TTN: variants seen among roughly 807,000 people sequenced by gnomAD.
The protein encoded by TTN is connectin.
A neutral mutation model predicts 3,223.0 loss-of-function variants in TTN; 1,525 were observed. The ratio of observed to expected loss-of-function variants is 0.47; its 90% CI spans 0.45 to 0.49. TTN has a LOEUF of 0.49. Among genes scored for constraint, TTN ranks in the 20% least tolerant of loss-of-function variants. TTN has a pLI of 0.00. For missense variants in TTN, 40,786 were observed against 43,424.0 expected (o/e 0.94, Z 5.40); for synonymous variants, 14,094 against 15,161.0 (o/e 0.93, Z 5.17).
Position 178,543,085 on chromosome 2 carries a change from AGTCAC to A in TTN, c.96883_96887del (p.Val32295CysfsTer50). On this transcript the variant is annotated frameshift_variant, in exon 347 of 363. Coordinates refer to ENST00000589042, the MANE Select transcript of TTN (RefSeq NM_001267550.2). LOFTEE classifies it high-confidence loss of function. ...GGTACATACCTCTGAGGTCTTGTAC[AGTCAC>A]GGCTGTGACAGTCTCTCTTGGTTCT... 1 of 1,592,320 alleles carries A rather than the reference AGTCAC, an allele frequency of 6.3e-7. No homozygotes were observed. The highest frequency in any genetic ancestry group is 8.6e-7 in the Non-Finnish European group (1 of 1,166,640).
In TTN at chr2:178,565,822, T is replaced by A; in HGVS notation, c.80310A>T (p.Glu26770Asp). 8 of 1,613,644 alleles carry A rather than the reference T, an allele frequency of 5.0e-6. No homozygotes were observed. Among genetic ancestry groups the A allele is most frequent in the Non-Finnish European group, 6.8e-6 (8 of 1,179,666 alleles). The change falls in exon 326 of 363, where the codon GAA (glutamate) becomes GAT (aspartate). Residue 26770 changes from glutamate (E) to aspartate (D), a missense_variant. By Grantham distance (45) the Glu-to-Asp change is conservative. Transcript: ENST00000589042. ...CAGCAGCTTTCACGGCATCAACAGT[T>A]TCCACTGGAACACCAACTCCAAATT... The part of the protein sequence containing the change: ...ENEFGVGVPV[E>D]TVDAVKAAEP...
chr2:178,746,874 G>C (rs776492878), intron 47 of TTN: 8 of 1,613,292 alleles, frequency 5.0e-6, no homozygotes, highest in African/African-American at 4.0e-5. Flanking sequence ...TTGTCTTTTG[G>C]CTCAATGGCT....
At position 178,789,413 on chromosome 2, in the gene TTN, T is replaced by A; in HGVS notation, c.2023A>T (p.Thr675Ser). The A allele has an allele frequency of 1.9e-6, 3 of 1,613,550 alleles. No individual in the cohort carries two copies. The highest frequency in any genetic ancestry group is 2.5e-6 in the Non-Finnish European group (3 of 1,179,564). ...TGTCTAGTAGCCATAGTTTCTCTAG[T>A]TCTCAGTATTGTTTCTTGTTCTTTG... is the stretch of plus-strand genomic sequence containing the variant. ...KAKEQETILR[T>S]RETMATRQEQ... The change falls in exon 13 of 363, where the codon ACT becomes TCT. Residue 675 changes from threonine to serine, a missense_variant. Thr to Ser is a moderately conservative substitution (Grantham distance 58). Transcript: ENST00000589042.
chr2:178,688,273 G>T (rs760268610), intron 126 of TTN, 49 bp from the exon 127 acceptor site: 14 of 1,516,768 alleles, frequency 9.2e-6, no homozygotes, highest in Non-Finnish European at 1.3e-5. Flanking sequence ...AGATACAGAT[G>T]TATATACAGC....
At position 178,777,547 on chromosome 2, in the gene TTN, GACT is replaced by G; in HGVS notation, c.4515_4517del (p.Val1506del). Reference sequence around the variant, plus strand: ...GTGATTGAGTACCATCTTCTTTAATGACTACTTTATGGGTATAGTCATTGACAA... The same window carrying G: ...GTGATTGAGTACCATCTTCTTTAATGACTTTATGGGTATAGTCATTGACAA... On this transcript the variant is annotated inframe_deletion, in exon 26 of 363. Transcript: ENST00000589042. 1.9e-6 allele frequency: 3 copies of G among 1,613,912 alleles called. No individual in the cohort carries two copies. The highest frequency in any genetic ancestry group is 2.5e-6 in the Non-Finnish European group (3 of 1,179,936).
Position 178,784,150 on chromosome 2 carries a change from T to A in TTN, c.2695A>T (p.Lys899Ter). The change falls in exon 16 of 363, where the codon AAA becomes TAA. Residue 899 changes from lysine to a stop codon, truncating the protein, a stop_gained. Transcript: ENST00000589042. LOFTEE classifies it high-confidence loss of function. The part of the protein sequence containing the change: ...TYKSEAGVEV[K>*]KEVGVSITGT... ...GTGATGCTCACCCCTACTTCCTTTT[T>A]CACCTCAACGCCAGCTTCACTCTTG... 1 of 1,614,152 alleles carries A rather than the reference T, an allele frequency of 6.2e-7. No individual in the cohort carries two copies.
At position 178,568,200 on chromosome 2, in the gene TTN, C is replaced by G. The variant is rs767541275; in HGVS notation, c.77932G>C (p.Glu25978Gln). Residue 25978 changes from glutamate (E) to glutamine (Q), a missense_variant, in exon 326 of 363, where the codon GAG (glutamate) becomes CAG (glutamine). Transcript: ENST00000589042. ...ENRYGQSFALESDPIVAQYPY... is the reference protein window; with the variant it reads ...ENRYGQSFALQSDPIVAQYPY... ...TATTGAGCTACAATTGGATCAGACT[C>G]TAAGGCAAAGCTTTGTCCATATCTG... is the stretch of plus-strand genomic sequence containing the variant. 3.7e-6 allele frequency: 6 copies of G among 1,613,358 alleles called. No individual in the cohort carries two copies. The highest frequency in any genetic ancestry group is 4.5e-5 in the East Asian group (2 of 44,852).
intron 147 of TTN, among the ~76,000 whole-genome samples, chr2:178,676,516 A>G (rs1487648005): frequency 6.6e-6 from 1 of 151,886 alleles, no homozygotes; most frequent in Non-Finnish European, 1.5e-5. Flanking sequence ...AGCTGATTGA[A>G]TATGTTAAAT....
In TTN at chr2:178,622,679, T is replaced by C; in HGVS notation, c.44904A>G (p.Glu14968=). ...GTATACAGTCACAGACCTTAGCATTTTCTCGGGAAAGTTCACACTCAAATC... is the reference window on the plus strand; with the variant it reads ...GTATACAGTCACAGACCTTAGCATTCTCTCGGGAAAGTTCACACTCAAATC... ...MARFECELSR[E]NAKVKWFKDG... The change falls in exon 243 of 363, where the codon GAA becomes GAG. Residue 14968 remains glutamate, a synonymous_variant. Transcript: ENST00000589042. 6.2e-7 allele frequency: 1 copy of C among 1,605,402 alleles called. No individual in the cohort carries two copies. The highest frequency in any genetic ancestry group is 8.5e-7 in the Non-Finnish European group (1 of 1,175,694).
chr2:178,591,020 A>T lies in TTN; in HGVS notation c.60705T>A (p.His20235Gln), dbSNP rs745785822. ...GSSKTKLKIP[H>Q]LQKGCEYVFR... ...AAACATATTCACAGCCCTTCTGCAG[A>T]TGTGGGATTTTCAGCTTTGTCTTAC... The change falls in exon 304 of 363, where the codon CAT (histidine) becomes CAA (glutamine). Residue 20235 changes from histidine (H) to glutamine (Q), a missense_variant. By Grantham distance (24) the His-to-Gln change is conservative (BLOSUM62 0). Coordinates refer to ENST00000589042, the MANE Select transcript of TTN (RefSeq NM_001267550.2). The T allele has an allele frequency of 2.5e-5, 40 of 1,613,354 alleles. No individual in the cohort carries two copies. The South Asian group carries it at 4.2e-4, about 17-fold the overall frequency.
intron 326 of TTN, 68 bp from the exon 327 acceptor site, chr2:178,558,705 G>C: frequency 6.8e-7 from 1 of 1,468,774 alleles, no homozygotes; most frequent in South Asian, 1.3e-5. Context: ...CACTCTTCAT[G>C]TATTGTCAAA....
Position 178,610,367 on chromosome 2 carries a change from A to G in TTN, c.51159T>C (p.Asp17053=). The change falls in exon 271 of 363, where the codon GAT becomes GAC. Residue 17053 remains aspartate (D), a synonymous_variant. Coordinates refer to ENST00000589042, the MANE Select transcript of TTN (RefSeq NM_001267550.2). ...KVIGLPGPCK[D]IKASDITKSS... is the part of the protein sequence containing the mutation. ...TCTTGGTAATGTCACTTGCTTTAAT[A>G]TCTTTGCATGGTCCAGGTAGGCCTA... 1 of 1,612,610 alleles carries G rather than the reference A, an allele frequency of 6.2e-7. No homozygotes were observed. The highest frequency in any genetic ancestry group is 8.5e-7 in the Non-Finnish European group (1 of 1,179,114).
rs757759155 is a variant in TTN at position 178,722,555 on chromosome 2, A to G, written c.22241-9T>C. The G allele has an allele frequency of 1.2e-6, 2 of 1,608,422 alleles. No homozygotes were observed. The highest frequency in any genetic ancestry group is 2.2e-5 in the South Asian group (2 of 90,226). Reference sequence around the variant, plus strand: ...AGGTGGGAGTTGGCGCTCTGTAGGGAGACATGTAATACTTAAGGTGTTAGG... The same window carrying G: ...AGGTGGGAGTTGGCGCTCTGTAGGGGGACATGTAATACTTAAGGTGTTAGG... On this transcript the variant is annotated splice_polypyrimidine_tract_variant and intron_variant, in intron 76 of 362. Coordinates refer to ENST00000589042, the MANE Select transcript of TTN (RefSeq NM_001267550.2).
intron 226 of TTN, 107 bp downstream of exon 226, chr2:178,635,854 CCT>C: frequency 6.6e-7 from 1 of 1,512,926 alleles, no homozygotes; most frequent in Non-Finnish European, 8.9e-7. Flanking sequence ...TTGTTATTCC[CCT>C]CTTAGGTACA....
intron 217 of TTN, chr2:178,644,843 A>G (rs1390809822): frequency 2.4e-6 from 1 of 422,698 alleles, no homozygotes; most frequent in Non-Finnish European, 4.1e-6. Context: ...GAAAAAGAAG[A>G]CAATTTTTGT....
rs907132563 is a variant in TTN, at chr2:178,634,535, A to C, written c.42246T>G (p.Asn14082Lys). ...RFECVLTREA[N>K]VIWSKGPDII... ...TATCAGGTCCTTTGGACCATATAAC[A>C]TTTGCCTCTCGGGTGAGGACACATT... Residue 14082 changes from asparagine (N) to lysine (K), a missense_variant, in exon 230 of 363, where the codon AAT (asparagine) becomes AAG (lysine). Physicochemically the swap from Asn to Lys is moderately conservative, Grantham distance 94. Coordinates refer to ENST00000589042, the MANE Select transcript of TTN (RefSeq NM_001267550.2). This position sits in a 1 kb window ranked among gnomAD's most constrained non-coding sequence, Gnocchi z 4.6. The C allele has an allele frequency of 4.3e-6, 7 of 1,613,132 alleles. No homozygotes were observed. Among genetic ancestry groups the C allele is most frequent in the Admixed American group, 3.3e-5 (2 of 59,942 alleles).
chr2:178,711,808 C>T lies in TTN; in HGVS notation c.27886+136G>A. The T allele has an allele frequency of 4.1e-6, 4 of 965,582 alleles. No individual in the cohort carries two copies. The South Asian group carries it at 9.8e-5, about 24-fold the overall frequency. 59.8% of individuals were successfully genotyped at this position (965,582 alleles called of 1,614,324 possible). ...AGAATCCATAGAAAAAGATAAGCCACTAACTGTAAATAGGATTACTTAAGC... is the reference window on the plus strand; with the variant it reads ...AGAATCCATAGAAAAAGATAAGCCATTAACTGTAAATAGGATTACTTAAGC... On this transcript the variant is annotated intron_variant, in intron 96 of 362. Transcript: ENST00000589042.
chr2:178,569,730 C>A lies in TTN; in HGVS notation c.76402G>T (p.Val25468Leu), dbSNP rs200308639. The A allele has an allele frequency of 2.0e-5, 33 of 1,613,206 alleles. No individual in the cohort carries two copies. In the African/African-American group the frequency reaches 3.7e-4, roughly 18 times the overall value. Reference protein sequence around the residue: ...PTGINKTNIEVEKLLEKHEYN... With the variant: ...PTGINKTNIELEKLLEKHEYN... Reference sequence around the variant, plus strand: ...TCATGCTTTTCCAACAGCTTCTCTACTTCTATGTTTGTTTTATTAATTCCT... The same window carrying A: ...TCATGCTTTTCCAACAGCTTCTCTAATTCTATGTTTGTTTTATTAATTCCT... Residue 25468 changes from valine to leucine, a missense_variant, in exon 326 of 363, where the codon GTA becomes TTA. Transcript: ENST00000589042.
chr2:178,650,727 A>T (rs746426393), intron 209 of TTN, 24 bp downstream of exon 209: 9 of 1,573,978 alleles, frequency 5.7e-6, no homozygotes, highest in Non-Finnish European at 7.8e-6. Context: ...TGGCAAGGTC[A>T]TTAATCACCG....
Sources: allele counts gnomAD v4.1 joint callset (sites outside exome capture counted in the v4.1 genomes callset), GRCh38; gene constraint gnomAD v4.1.1; non-coding constraint Gnocchi (gnomAD v3.1); transcripts MANE v1.5; gene names NCBI Gene and HGNC (gene_info 2026-07-23, HGNC 2026-07-21).